INPP4A: variants seen among roughly 807,000 people sequenced by gnomAD.
The protein encoded by INPP4A is inositol polyphosphate-4-phosphatase type I A, also known as inositol polyphosphate-4-phosphatase, type I, 107kD.
INPP4A carries 33 observed loss-of-function variants against 119.8 expected under a neutral mutation model. The observed-to-expected ratio is 0.28, with a 90% CI of 0.21 to 0.37. The LOEUF (loss-of-function observed/expected upper bound fraction) is 0.37. INPP4A is among the 10% of genes least tolerant of loss of function. The pLI is 1.00. For missense variants in INPP4A, 956 were observed against 1,289.9 expected (o/e 0.74, Z 3.97); for synonymous variants, 496 against 500.7 (o/e 0.99, Z 0.12).
intron 1 of INPP4A, among the ~76,000 whole-genome samples, chr2:98,496,672 G>T (rs1234310127): frequency 1.3e-5 from 2 of 152,166 alleles, no homozygotes; most frequent in Non-Finnish European, 2.9e-5. Flanking sequence ...CAACTCAATT[G>T]CAGGAAACAA....
Position 98,490,109 on chromosome 2 carries a change from A to G in INPP4A, c.-165-28855A>G, listed in dbSNP as rs74609004. Reference sequence around the variant, plus strand: ...CTGGGTGTGCCTCTCAGTCTTGTAGATGGCTTGGGCATGAGGGAGGGAGGG... The same window carrying G: ...CTGGGTGTGCCTCTCAGTCTTGTAGGTGGCTTGGGCATGAGGGAGGGAGGG... On this transcript the variant is annotated intron_variant, in intron 1 of 24. Coordinates refer to ENST00000409851, the MANE Select transcript of INPP4A (RefSeq NM_001134225.2). 6.5e-4 allele frequency among the ~76,000 whole-genome samples: 99 copies of G among 151,666 alleles called. 2 individuals carry two copies. The East Asian group carries it at 0.01, about 15-fold the overall frequency.
At chr2:98,560,617 GC>G (rs1695298712) in intron 17 of INPP4A, among the ~76,000 whole-genome samples, 1 of 152,224 alleles carries the variant, frequency 6.6e-6, no homozygotes, top group African/African-American at 2.4e-5. Flanking sequence ...GGTTACTGAG[GC>G]CTTGGTAGAT....
chr2:98,581,548 T>C, intron 24 of INPP4A: 1 of 1,494,558 alleles, frequency 6.7e-7, no homozygotes, highest in Non-Finnish European at 8.8e-7. Flanking sequence ...TTCCTTTTTC[T>C]TTCTCCCAAA....
At chr2:98,486,647 G>A (rs981996808) in intron 1 of INPP4A, among the ~76,000 whole-genome samples, 1 of 136,564 alleles carries the variant, frequency 7.3e-6, no homozygotes. Context: ...TTGCATACAG[G>A]TTACATCAGG....
rs148997668 is a variant in INPP4A at position 98,489,188 on chromosome 2, G to A, written c.-165-29776G>A. Among the ~76,000 whole-genome samples, 787 of 152,166 alleles carry A rather than the reference G, an allele frequency of 5.2e-3. 12 individuals are homozygous for A. Among genetic ancestry groups the A allele is most frequent in the African/African-American group, 0.018 (732 of 41,492 alleles). ...AGATACATCTGAGCTCCCAAGAATG[G>A]TGGTACCTGGAAGGGAGAGAAATCA... is the stretch of plus-strand genomic sequence containing the variant. On this transcript the variant is annotated intron_variant, in intron 1 of 24. Transcript: ENST00000409851.
rs1475756454 is a variant in INPP4A at position 98,533,270 on chromosome 2, T to C, written c.152-107T>C. 3 of 693,624 alleles carry C rather than the reference T, an allele frequency of 4.3e-6. No homozygotes were observed. The Admixed American group carries it at 6.4e-5, about 15-fold the overall frequency. 43.0% of individuals were successfully genotyped at this position (693,624 alleles called of 1,614,324 possible). A position where few individuals can be genotyped will look rare whatever the true frequency, so the allele number is the denominator to read the frequency against. On this transcript the variant is annotated intron_variant, in intron 4 of 24. Coordinates refer to ENST00000409851, the MANE Select transcript of INPP4A (RefSeq NM_001134225.2). Reference sequence around the variant, plus strand: ...ACTGACGATGTGATCGTCTCATCTCTTTGAATGTCATTTACTCTTTGTGCT... The same window carrying C: ...ACTGACGATGTGATCGTCTCATCTCCTTGAATGTCATTTACTCTTTGTGCT...
intron 24 of INPP4A, among the ~76,000 whole-genome samples, chr2:98,585,939 A>G (rs1183051176): frequency 6.6e-6 from 1 of 152,254 alleles, no homozygotes. Context: ...ATATAAATGG[A>G]GAAGCCATAT....
chr2:98,501,142 C>A (rs1683035775), intron 1 of INPP4A, among the ~76,000 whole-genome samples: 1 of 152,166 alleles, frequency 6.6e-6, no homozygotes, highest in Admixed American at 6.5e-5. Flanking sequence ...CATGGTGAAA[C>A]CTTGTCTCTA....
At chr2:98,579,812 T>C (rs1699014630) in intron 24 of INPP4A, among the ~76,000 whole-genome samples, 1 of 152,240 alleles carries the variant, frequency 6.6e-6, no homozygotes, top group Non-Finnish European at 1.5e-5. Flanking sequence ...TTTCTTTGTT[T>C]TCTGAAATCT....
At chr2:98,571,390 G>A (rs941518709) in intron 22 of INPP4A, among the ~76,000 whole-genome samples, 3 of 152,232 alleles carry the variant, frequency 2.0e-5, no homozygotes, top group Non-Finnish European at 2.9e-5. Context: ...AGCCACGAAG[G>A]TGAGCAGGGA....
At chr2:98,516,685 C>T (rs962817196) in intron 1 of INPP4A, among the ~76,000 whole-genome samples, 3 of 152,160 alleles carry the variant, frequency 2.0e-5, no homozygotes, top group Admixed American at 2.0e-4. Context: ...AAGGGAAGAG[C>T]CTCTTCTTCA....
intron 21 of INPP4A, among the ~76,000 whole-genome samples, chr2:98,567,546 G>T (rs943190394): frequency 1.3e-5 from 2 of 152,214 alleles, no homozygotes; most frequent in Non-Finnish European, 2.9e-5. Context: ...CCTGCATCCA[G>T]TAGCTGCGGA....
chr2:98,464,234 G>T (rs754545909), intron 1 of INPP4A, among the ~76,000 whole-genome samples: 1 of 152,140 alleles, frequency 6.6e-6, no homozygotes, highest in Non-Finnish European at 1.5e-5. Flanking sequence ...AAATGGGGCA[G>T]AGGGGAGGGC....
chr2:98,559,894 TGCA>T (rs1409745509), intron 17 of INPP4A, among the ~76,000 whole-genome samples: 1 of 152,226 alleles, frequency 6.6e-6, no homozygotes, highest in African/African-American at 2.4e-5. Flanking sequence ...TTGCTTCCTT[TGCA>T]TGTAGAAACC....
intron 13 of INPP4A, among the ~76,000 whole-genome samples, chr2:98,552,167 A>G (rs1353044991): frequency 6.6e-6 from 1 of 152,134 alleles, no homozygotes; most frequent in East Asian, 1.9e-4. Flanking sequence ...TCATTTGATG[A>G]AACGTTATTT....
Position 98,539,016 on chromosome 2 carries a change from C to G in INPP4A, c.670+35C>G, listed in dbSNP as rs765890239. The G allele has an allele frequency of 1.1e-5, 15 of 1,333,938 alleles. No individual in the cohort carries two copies. In the South Asian group the frequency reaches 1.3e-4, roughly 11 times the overall value. The allele number at this position is 1,333,938 out of a possible 1,614,324, so 82.6% of individuals were successfully genotyped here. On this transcript the variant is annotated intron_variant, in intron 9 of 24. Coordinates refer to ENST00000409851, the MANE Select transcript of INPP4A (RefSeq NM_001134225.2). ...TTCCTCCTTTGGTATTCTTGCCTCTCTAGTGAGTATCCACTTGGGCCCGCA... is the reference window on the plus strand; with the variant it reads ...TTCCTCCTTTGGTATTCTTGCCTCTGTAGTGAGTATCCACTTGGGCCCGCA...
rs1694060661 is a variant in INPP4A, at chr2:98,554,226, G to T, written c.1348-45G>T. On this transcript the variant is annotated intron_variant, in intron 14 of 24. Transcript: ENST00000409851. The surrounding 1 kb of genome is among the most constrained non-coding windows in gnomAD (Gnocchi z 4.7). The stretch of plus-strand genomic sequence containing the variant: ...CTGAGATAAGGCAGGGGCCTCCCCA[G>T]CCCCTGGCCTGGGCTCAGCAGCCTT... 2 of 1,492,882 alleles carry T rather than the reference G, an allele frequency of 1.3e-6. No individual in the cohort carries two copies. Among genetic ancestry groups the T allele is most frequent in the Non-Finnish European group, 1.8e-6 (2 of 1,096,712 alleles). The allele number at this position is 1,492,882 out of a possible 1,614,324, so 92.5% of individuals were successfully genotyped here.
At chr2:98,545,100 A>G (rs1337991222) in intron 11 of INPP4A, among the ~76,000 whole-genome samples, 1 of 152,226 alleles carries the variant, frequency 6.6e-6, no homozygotes. Context: ...TCGGATGCTC[A>G]TGGTGCGGTC....
rs1193202585 is a variant in INPP4A, at chr2:98,546,079, T to G, written c.1054+6T>G. 4 of 1,548,760 alleles carry G rather than the reference T, an allele frequency of 2.6e-6. No individual in the cohort carries two copies. In the East Asian group the frequency reaches 9.5e-5, roughly 37 times the overall value. ...TCAAGACGATGGAGGATCAGGTACCTATTTTTCTGCTCCCTCTTGTTGAAT... is the reference window on the plus strand; with the variant it reads ...TCAAGACGATGGAGGATCAGGTACCGATTTTTCTGCTCCCTCTTGTTGAAT... On this transcript the variant is annotated splice_donor_region_variant and intron_variant, in intron 12 of 24. Transcript: ENST00000409851. This position sits in a 1 kb window ranked among gnomAD's most constrained non-coding sequence, Gnocchi z 4.2.
Sources: gnomAD v4.1 joint callset for allele counts (sites outside exome capture counted in the v4.1 genomes callset) on GRCh38, gnomAD v4.1.1 for gene constraint, Gnocchi (gnomAD v3.1) non-coding constraint, MANE v1.5 for transcripts, NCBI Gene and HGNC (gene_info 2026-07-23, HGNC 2026-07-21) for gene names.